The following PCDH15 variants were observed in gnomAD, a reference collection of about 807,000 sequenced individuals.
PCDH15 encodes the protein protocadherin-15.
A neutral mutation model predicts 178.5 loss-of-function variants in PCDH15; 129 were observed. That is an observed-to-expected ratio of 0.72 (90% CI 0.63 to 0.84). The LOEUF is 0.84. Among genes scored for constraint, PCDH15 ranks in the 40% least tolerant of loss-of-function variants. PCDH15 has a pLI of 0.00. For synonymous variants in PCDH15, 800 were observed against 732.0 expected, an observed-to-expected ratio of 1.09 and a Z score of -1.50; for missense variants, 2,230 against 2,099.9, an observed-to-expected ratio of 1.06 and a Z score of -1.21.
intron 1 of PCDH15, among the ~76,000 whole-genome samples, chr10:54,782,450 CT>C (rs1950460979): frequency 3.3e-5 from 5 of 152,174 alleles, no homozygotes; most frequent in African/African-American, 1.2e-4. Flanking sequence ...AAGAGTATTG[CT>C]CCAATTTTAT....
chr10:54,380,458 A>T (rs1462609005), intron 3 of PCDH15, among the ~76,000 whole-genome samples: 1 of 151,314 alleles, frequency 6.6e-6, no homozygotes, highest in Admixed American at 6.6e-5. Flanking sequence ...AATACTTCAC[A>T]CAACTCACCA....
chr10:55,488,052 T>C (rs879596358), intron 2 of PCDH15, among the ~76,000 whole-genome samples: 13 of 151,600 alleles, frequency 8.6e-5, no homozygotes, highest in Non-Finnish European at 1.5e-4. Flanking sequence ...TATTTTATGG[T>C]GGCTAATATC....
chr10:54,579,688 A>G (rs1234098379), intron 2 of PCDH15, among the ~76,000 whole-genome samples: 1 of 152,012 alleles, frequency 6.6e-6, no homozygotes, highest in East Asian at 1.9e-4. Flanking sequence ...CATTCCTCTC[A>G]TCTGCACACA....
At chr10:55,455,714 T>A (rs10825519) in intron 2 of PCDH15, among the ~76,000 whole-genome samples, 57,484 of 151,838 alleles carry the variant, frequency 0.38, 11,696 homozygotes, top group East Asian at 0.81. Context: ...TTGAGGACAA[T>A]TTGCCTGTAT....
chr10:55,074,271 C>A (rs1841825686), intron 2 of PCDH15, among the ~76,000 whole-genome samples: 1 of 152,034 alleles, frequency 6.6e-6, no homozygotes. Context: ...GGTTCTAGGT[C>A]TTTGAGGAAT....
chr10:55,488,395 A>C (rs528968724), intron 2 of PCDH15, among the ~76,000 whole-genome samples: 1 of 151,714 alleles, frequency 6.6e-6, no homozygotes, highest in East Asian at 2.0e-4. Context: ...ACATTAGCAG[A>C]ACATAGCCTA....
chr10:54,873,553 C>T (rs964742670), intron 3 of PCDH15, among the ~76,000 whole-genome samples: 1 of 74,956 alleles, frequency 1.3e-5, no homozygotes, highest in Non-Finnish European at 2.5e-5. Context: ...TATGTGTATA[C>T]ATATACGTAT....
chr10:54,670,803 C>T (rs2094650287), intron 1 of PCDH15, among the ~76,000 whole-genome samples: 1 of 152,072 alleles, frequency 6.6e-6, no homozygotes, highest in Non-Finnish European at 1.5e-5. Flanking sequence ...AGACACTAAG[C>T]TTCTACTATA....
chr10:55,527,682 T>A (rs114392858), intron 2 of PCDH15, among the ~76,000 whole-genome samples: 2,954 of 151,890 alleles, frequency 0.019, 103 homozygotes, highest in African/African-American at 0.068. Flanking sequence ...TAATATTAAA[T>A]CAAAAAAGAG....
At chr10:54,040,223 A>C (rs182569836) in intron 18 of PCDH15, among the ~76,000 whole-genome samples, 1 of 152,088 alleles carries the variant, frequency 6.6e-6, no homozygotes, top group East Asian at 1.9e-4. Flanking sequence ...CTCATCTTGA[A>C]TTGTAGCTCC....
intron 2 of PCDH15, among the ~76,000 whole-genome samples, chr10:55,100,765 G>A (rs1842558396): frequency 6.6e-6 from 1 of 152,084 alleles, no homozygotes; most frequent in Non-Finnish European, 1.5e-5. Flanking sequence ...CCAAACACCT[G>A]TTGTTAAGCC....
At chr10:54,419,347 C>G (rs1003979380) in intron 3 of PCDH15, among the ~76,000 whole-genome samples, 1 of 145,024 alleles carries the variant, frequency 6.9e-6, no homozygotes, top group Admixed American at 7.0e-5. Flanking sequence ...ATCTAAAATT[C>G]TTCTTGGCTT....
intron 1 of PCDH15, among the ~76,000 whole-genome samples, chr10:54,724,070 G>A (rs1442761854): frequency 2.0e-5 from 3 of 151,552 alleles, no homozygotes; most frequent in African/African-American, 7.3e-5. Flanking sequence ...ATCACTGTAG[G>A]AAAAAGGCAT....
In PCDH15 at chr10:54,105,317, TAC is replaced by T. The variant is rs1554967825; in HGVS notation, c.1918-15256_1918-15255del. On this transcript the variant is annotated intron_variant, in intron 15 of 37. Transcript: ENST00000644397. ...ATATATATATATATATATATATATA[TAC>T]ACACACACATACATATATATACACA... Among the ~76,000 whole-genome samples the T allele has an allele frequency of 9.6e-4, 88 of 91,588 alleles. 1 individual carries two copies. The highest frequency in any genetic ancestry group is 1.6e-3 in the African/African-American group (40 of 25,756). The allele number at this position is 91,588 out of a possible 152,430, so 60.1% of individuals were successfully genotyped here. A position where few individuals can be genotyped will look rare whatever the true frequency, so the allele number is the denominator to read the frequency against.
chr10:54,604,205 A>G (rs961905850), intron 2 of PCDH15, among the ~76,000 whole-genome samples: 1 of 151,960 alleles, frequency 6.6e-6, no homozygotes, highest in African/African-American at 2.4e-5. Flanking sequence ...TAGGTGATCT[A>G]TTGTGAAGAG....
chr10:54,861,110 T>C (rs1169714285), intron 3 of PCDH15, among the ~76,000 whole-genome samples: 5 of 152,154 alleles, frequency 3.3e-5, no homozygotes, highest in African/African-American at 4.8e-5. Flanking sequence ...CCTTATACTA[T>C]CATTCTCCTT....
chr10:53,933,050 G>A (rs182001854), intron 25 of PCDH15, among the ~76,000 whole-genome samples: 7 of 152,078 alleles, frequency 4.6e-5, no homozygotes, highest in South Asian at 2.1e-4. Flanking sequence ...ATAAGCTTCC[G>A]GAGGTCTCCA....
chr10:55,479,930 G>T (rs1376327985), intron 2 of PCDH15, among the ~76,000 whole-genome samples: 1 of 151,620 alleles, frequency 6.6e-6, no homozygotes, highest in Admixed American at 6.6e-5. Context: ...AGACCTGTAA[G>T]AATAAATTTA....
At chr10:55,314,288 T>C (rs1175862919) in intron 1 of PCDH15, among the ~76,000 whole-genome samples, 1 of 151,120 alleles carries the variant, frequency 6.6e-6, no homozygotes. Flanking sequence ...TTATATATTA[T>C]AGCTACCTTT....
Sources: allele counts gnomAD v4.1 joint callset (sites outside exome capture counted in the v4.1 genomes callset), GRCh38; gene constraint gnomAD v4.1.1; transcripts MANE v1.5; gene names NCBI Gene and HGNC (gene_info 2026-07-23, HGNC 2026-07-21).